Variants in SAMD12 observed in about 807,000 individuals in gnomAD.
SAMD12 encodes sterile alpha motif domain containing 12.
In SAMD12, 9 loss-of-function variants were observed where a neutral mutation model predicts 15.0. The ratio of observed to expected loss-of-function variants is 0.60; its 90% CI spans 0.36 to 1.05. The LOEUF (loss-of-function observed/expected upper bound fraction) is 1.05, where lower values mean the gene tolerates loss of function less well. SAMD12 is among the 50% of genes least tolerant of loss of function. The pLI is 0.01. For missense variants in SAMD12, 230 were observed against 234.2 expected, an observed-to-expected ratio of 0.98 and a Z score of 0.12; for synonymous variants, 86 against 90.1, an observed-to-expected ratio of 0.96 and a Z score of 0.25.
intron 2 of SAMD12, among the ~76,000 whole-genome samples, chr8:118,543,745 C>A (rs1157566653): frequency 6.7e-6 from 1 of 150,366 alleles, no homozygotes; most frequent in Non-Finnish European, 1.5e-5. Flanking sequence ...AGTTTAGATA[C>A]CCCTGTCCTT....
chr8:118,340,640 A>G (rs909474270), intron 4 of SAMD12, among the ~76,000 whole-genome samples: 1 of 152,036 alleles, frequency 6.6e-6, no homozygotes, highest in Non-Finnish European at 1.5e-5. Context: ...GTAGTGGTGC[A>G]TGGCTATAGT....
At chr8:118,301,339 G>T (rs1397277957) in intron 4 of SAMD12, among the ~76,000 whole-genome samples, 3 of 152,144 alleles carry the variant, frequency 2.0e-5, no homozygotes, top group Admixed American at 1.3e-4. Flanking sequence ...AAGCTGTCAC[G>T]ATGGAAATGG....
chr8:118,549,267 G>A (rs1035247919), intron 2 of SAMD12, among the ~76,000 whole-genome samples: 8 of 152,212 alleles, frequency 5.3e-5, no homozygotes, highest in African/African-American at 1.9e-4. Flanking sequence ...CAGCCTAACT[G>A]GGAGGCACCC....
chr8:118,298,732 T>A (rs1233543701), intron 4 of SAMD12, among the ~76,000 whole-genome samples: 1 of 152,204 alleles, frequency 6.6e-6, no homozygotes, highest in African/African-American at 2.4e-5. Flanking sequence ...CAAGCAACAC[T>A]TGCTTGAATT....
chr8:118,221,489 T>C (rs558867015), intron 4 of SAMD12, among the ~76,000 whole-genome samples: 2 of 152,222 alleles, frequency 1.3e-5, no homozygotes, highest in Admixed American at 1.3e-4. Flanking sequence ...ACAGATCTGT[T>C]TCTGGAATGG....
intron 4 of SAMD12, among the ~76,000 whole-genome samples, chr8:118,278,808 T>C (rs919761920): frequency 2.0e-5 from 3 of 152,170 alleles, no homozygotes; most frequent in Admixed American, 2.0e-4. Flanking sequence ...AAGAGACGAA[T>C]ATGGCAGTAC....
the SAMD12 span, among the ~76,000 whole-genome samples, chr8:118,180,462 C>T: frequency 1.3e-5 from 2 of 152,298 alleles, no homozygotes; most frequent in East Asian, 1.9e-4. Flanking sequence ...CATTTCCTAA[C>T]TATCTTGCAG....
At chr8:118,202,888 T>C (rs1819753309) in intron 4 of SAMD12, among the ~76,000 whole-genome samples, 1 of 152,188 alleles carries the variant, frequency 6.6e-6, no homozygotes, top group Non-Finnish European at 1.5e-5. Context: ...GAATAGCCAA[T>C]AAGCAGAGCT....
chr8:118,353,542 G>A lies in SAMD12; in HGVS notation c.433+26018C>T, dbSNP rs561813337. Among the ~76,000 whole-genome samples the A allele has an allele frequency of 1.1e-3, 164 of 152,182 alleles. 2 individuals carry two copies. The highest frequency in any genetic ancestry group is 1.8e-4 in the Non-Finnish European group (12 of 68,016). Reference sequence around the variant, plus strand: ...AAGGGCCTCACCAAGCACCAGATCTGCAGGCAACTTGATTTTGGACTTTCC... The same window carrying A: ...AAGGGCCTCACCAAGCACCAGATCTACAGGCAACTTGATTTTGGACTTTCC... On this transcript the variant is annotated intron_variant, in intron 4 of 4. Coordinates refer to the SAMD12 transcript ENST00000409003.
intron 2 of SAMD12, among the ~76,000 whole-genome samples, chr8:118,544,836 A>G (rs567717675): frequency 1.1e-4 from 17 of 152,328 alleles, no homozygotes; most frequent in African/African-American, 4.1e-4. Context: ...AGGTGAAAGG[A>G]TGAGGAAACA....
intron 4 of SAMD12, among the ~76,000 whole-genome samples, chr8:118,298,423 A>T (rs1431243425): frequency 4.6e-5 from 7 of 152,212 alleles, no homozygotes; most frequent in Non-Finnish European, 8.8e-5. Context: ...ATATTTAAGA[A>T]TTTTTTTTAA....
At chr8:118,145,329 T>C in the SAMD12 span, among the ~76,000 whole-genome samples, 1 of 152,212 alleles carries the variant, frequency 6.6e-6, no homozygotes, top group Admixed American at 6.5e-5. Context: ...TGAAGTGCAT[T>C]TTATAAATAA....
In SAMD12 at chr8:118,404,038, G is replaced by T. The variant is rs1418864525; in HGVS notation, c.323-24338C>A. 1.3e-5 allele frequency among the ~76,000 whole-genome samples: 2 copies of T among 152,114 alleles called. 1 individual carries two copies. Among genetic ancestry groups the T allele is most frequent in the South Asian group, 4.1e-4 (2 of 4,830 alleles). ...TTTGTCCCCAGGCTGGAGTGCAGTG[G>T]TGCGATTGATTCTGGCTCACTGCAG... On this transcript the variant is annotated intron_variant, in intron 3 of 3. Transcript: ENST00000314727.
intron 2 of SAMD12, among the ~76,000 whole-genome samples, chr8:118,444,177 T>G (rs1284206845): frequency 2.0e-5 from 3 of 152,100 alleles, no homozygotes; most frequent in Admixed American, 2.0e-4. Context: ...CTAGAAACAG[T>G]AAGCTCATAA....
At chr8:118,500,250 G>A (rs1420623927) in intron 2 of SAMD12, among the ~76,000 whole-genome samples, 1 of 151,330 alleles carries the variant, frequency 6.6e-6, no homozygotes, top group Non-Finnish European at 1.5e-5. Context: ...AGCTCATTTT[G>A]TATTTTTAGT....
At chr8:118,345,748 GA>G (rs1817604390) in intron 4 of SAMD12, among the ~76,000 whole-genome samples, 1 of 152,198 alleles carries the variant, frequency 6.6e-6, no homozygotes, top group South Asian at 2.1e-4. Flanking sequence ...CAAGAGCAGT[GA>G]AAACAAGGTC....
chr8:118,268,812 T>TC (rs2130098742), intron 4 of SAMD12, among the ~76,000 whole-genome samples: 1 of 152,160 alleles, frequency 6.6e-6, no homozygotes, highest in South Asian at 2.1e-4. Flanking sequence ...AGACTCTGTC[T>TC]CAAAAAAAAG....
chr8:118,399,524 G>A (rs1820765319), intron 3 of SAMD12, among the ~76,000 whole-genome samples: 1 of 152,116 alleles, frequency 6.6e-6, no homozygotes, highest in Non-Finnish European at 1.5e-5. Flanking sequence ...AGGGAGGCAG[G>A]AGGTATGAAG....
At chr8:118,265,027 T>C (rs928446323) in intron 4 of SAMD12, among the ~76,000 whole-genome samples, 1 of 152,148 alleles carries the variant, frequency 6.6e-6, no homozygotes, top group African/African-American at 2.4e-5. Flanking sequence ...GGCATTTTCA[T>C]AATGAGAACA....
Sources: gnomAD v4.1 joint callset for allele counts (sites outside exome capture counted in the v4.1 genomes callset) on GRCh38, gnomAD v4.1.1 for gene constraint, MANE v1.5 for transcripts, NCBI Gene and HGNC (gene_info 2026-07-23, HGNC 2026-07-21) for gene names.